Variants in BNC2 observed in about 807,000 individuals in gnomAD.
The protein encoded by BNC2 is basonuclin zinc finger protein 2, also known as zinc finger protein basonuclin-2.
In BNC2, 20 loss-of-function variants were observed where a neutral mutation model predicts 76.3. The ratio of observed to expected loss-of-function variants is 0.26; its 90% CI spans 0.18 to 0.38. BNC2 has a LOEUF of 0.38. Ranked by LOEUF, BNC2 falls within the 10% of genes least tolerant of loss-of-function variation. BNC2 has a pLI of 1.00. For synonymous variants in BNC2, 582 were observed against 514.8 expected (o/e 1.13, Z -1.77); for missense variants, 1,382 against 1,399.8 (o/e 0.99, Z 0.20).
intron 3 of BNC2, among the ~76,000 whole-genome samples, chr9:16,647,868 T>C (rs1821679816): frequency 6.6e-6 from 1 of 152,186 alleles, no homozygotes. Flanking sequence ...AGCTAGTCTA[T>C]TCCACTGCCA....
At chr9:16,585,674 C>T (rs936640288) in intron 3 of BNC2, among the ~76,000 whole-genome samples, 4 of 152,126 alleles carry the variant, frequency 2.6e-5, no homozygotes, top group South Asian at 2.1e-4. Context: ...ATAGAACCAA[C>T]GTGATCACTG....
intron 5 of BNC2, among the ~76,000 whole-genome samples, chr9:16,502,034 G>A (rs1822529497): frequency 1.3e-5 from 2 of 152,186 alleles, no homozygotes; most frequent in South Asian, 4.1e-4. Flanking sequence ...TCAGATAAAT[G>A]AGTTTAGGAA....
chr9:16,560,706 G>T (rs898895896), intron 4 of BNC2, among the ~76,000 whole-genome samples: 1 of 152,174 alleles, frequency 6.6e-6, no homozygotes, highest in Admixed American at 6.5e-5. Context: ...CAGCGTGGAT[G>T]ACAGAATGAG....
intron 1 of BNC2, among the ~76,000 whole-genome samples, chr9:16,770,468 G>A (rs996077205): frequency 6.6e-6 from 1 of 152,148 alleles, no homozygotes; most frequent in African/African-American, 2.4e-5. Context: ...TCAATTGACA[G>A]GCTTCTGAAG....
intron 5 of BNC2, among the ~76,000 whole-genome samples, chr9:16,440,358 C>T (rs1435564329): frequency 1.3e-5 from 2 of 152,164 alleles, no homozygotes; most frequent in Non-Finnish European, 2.9e-5. Context: ...CTGAGGAAGT[C>T]TTTCTCTAGA....
chr9:16,509,147 T>C (rs948989597), intron 5 of BNC2, among the ~76,000 whole-genome samples: 1 of 152,054 alleles, frequency 6.6e-6, no homozygotes, highest in African/African-American at 2.4e-5. Context: ...CATCTTAAAC[T>C]CACCCCAAAT....
intron 5 of BNC2, among the ~76,000 whole-genome samples, chr9:16,455,318 C>T (rs535738242): frequency 2.0e-5 from 3 of 152,090 alleles, no homozygotes; most frequent in African/African-American, 7.2e-5. Flanking sequence ...ACTAAAATGG[C>T]CAAGAGAAAA....
chr9:16,709,193 G>C (rs1334184439), intron 3 of BNC2, among the ~76,000 whole-genome samples: 1 of 152,112 alleles, frequency 6.6e-6, no homozygotes, highest in African/African-American at 2.4e-5. Context: ...CCACTGAAGG[G>C]GAGATGAAGT....
rs565453372 is a variant in BNC2 at position 16,797,418 on chromosome 9, T to G, written c.4-58933A>C. ...ATACATATATGCCCCTCCCAATCCA[T>G]GGCAAACACACATCACTAAACAATC... On this transcript the variant is annotated intron_variant, in intron 1 of 6. Transcript: ENST00000380672. Among the ~76,000 whole-genome samples, 4 of 152,318 alleles carry G rather than the reference T, an allele frequency of 2.6e-5. No homozygotes were observed. In the East Asian group the frequency reaches 5.8e-4, roughly 22 times the overall value.
intron 1 of BNC2, among the ~76,000 whole-genome samples, chr9:16,806,918 A>G (rs1166181501): frequency 6.6e-6 from 1 of 152,168 alleles, no homozygotes; most frequent in Non-Finnish European, 1.5e-5. Flanking sequence ...GACCATCCAG[A>G]ATCTGTCTTT....
At chr9:16,849,148 G>T (rs1473397593) in intron 1 of BNC2, among the ~76,000 whole-genome samples, 1 of 151,956 alleles carries the variant, frequency 6.6e-6, no homozygotes, top group East Asian at 1.9e-4. Context: ...CCCCAGGGAG[G>T]AATGAAGAAA....
intron 6 of BNC2, among the ~76,000 whole-genome samples, chr9:16,428,815 G>C (rs76580072): frequency 6.6e-6 from 1 of 152,068 alleles, no homozygotes; most frequent in African/African-American, 2.4e-5. Flanking sequence ...CACTTTAGGT[G>C]TAACAGCTTT....
At chr9:16,837,272 A>G (rs1818728879) in intron 1 of BNC2, among the ~76,000 whole-genome samples, 1 of 152,180 alleles carries the variant, frequency 6.6e-6, no homozygotes, top group East Asian at 1.9e-4. Context: ...TTGGGAGGCC[A>G]AGGCAGGTGG....
At chr9:16,506,508 CTCCTCTTTTTTTTT>C (rs1293222578) in intron 5 of BNC2, among the ~76,000 whole-genome samples, 11 of 127,204 alleles carry the variant, frequency 8.6e-5, no homozygotes, top group African/African-American at 3.8e-4. Flanking sequence ...CTCTCTCTCT[CTCCTCTTTTTTTTT>C]TTTTTTTTTT....
At chr9:16,624,328 T>G (rs989332285) in intron 3 of BNC2, among the ~76,000 whole-genome samples, 14 of 152,198 alleles carry the variant, frequency 9.2e-5, no homozygotes, top group South Asian at 2.1e-4. Context: ...TTTCATGGCT[T>G]AAACAAAGTT....
intron 1 of BNC2, among the ~76,000 whole-genome samples, chr9:16,856,684 G>A (rs1819266281): frequency 6.6e-6 from 1 of 152,154 alleles, no homozygotes. Context: ...GTATCCTTTA[G>A]CGTTAATGCA....
chr9:16,659,798 C>A (rs1822055772), intron 3 of BNC2, among the ~76,000 whole-genome samples: 1 of 152,132 alleles, frequency 6.6e-6, no homozygotes, highest in Non-Finnish European at 1.5e-5. Context: ...ACAGGCTCCT[C>A]TCTAGCCTCA....
intron 1 of BNC2, among the ~76,000 whole-genome samples, chr9:16,799,412 T>A (rs1458093561): frequency 6.6e-6 from 1 of 152,026 alleles, no homozygotes; most frequent in Admixed American, 6.6e-5. Flanking sequence ...CCTCCCAGAT[T>A]CAAGCCATTC....
At chr9:16,813,736 T>C (rs988011027) in intron 1 of BNC2, among the ~76,000 whole-genome samples, 3 of 152,194 alleles carry the variant, frequency 2.0e-5, no homozygotes, top group Non-Finnish European at 2.9e-5. Context: ...TTTGGTTGAA[T>C]TGTAGAAGAG....
Sources: allele counts gnomAD v4.1 joint callset (sites outside exome capture counted in the v4.1 genomes callset), GRCh38; gene constraint gnomAD v4.1.1; transcripts MANE v1.5; gene names NCBI Gene and HGNC (gene_info 2026-07-23, HGNC 2026-07-21).